The following LSAMP variants were observed in gnomAD, a reference collection of about 807,000 sequenced individuals.
The protein encoded by LSAMP is limbic system associated membrane protein.
LSAMP carries 7 observed loss-of-function variants against 38.6 expected under a neutral mutation model. The ratio of observed to expected loss-of-function variants is 0.18; its 90% CI spans 0.10 to 0.34. The LOEUF (loss-of-function observed/expected upper bound fraction) is 0.34. Ranked by LOEUF, LSAMP falls within the 10% of genes least tolerant of loss-of-function variation. The pLI is 1.00. For synonymous variants in LSAMP, 154 were observed against 166.8 expected (o/e 0.92, Z 0.59); for missense variants, 313 against 420.0 (o/e 0.75, Z 2.23).
At chr3:115,867,781 G>A (rs1935903571) in intron 3 of LSAMP, among the ~76,000 whole-genome samples, 1 of 152,130 alleles carries the variant, frequency 6.6e-6, no homozygotes, top group Non-Finnish European at 1.5e-5. Flanking sequence ...GGTTGGTTGA[G>A]TCTAAAGTCT....
At chr3:115,955,224 G>C (rs184638452) in intron 3 of LSAMP, among the ~76,000 whole-genome samples, 2 of 152,074 alleles carry the variant, frequency 1.3e-5, no homozygotes, top group African/African-American at 4.8e-5. Context: ...GTGAGCCACC[G>C]CGCCTGGCCA....
At chr3:116,017,194 A>G (rs1368576219) in intron 3 of LSAMP, among the ~76,000 whole-genome samples, 1 of 152,146 alleles carries the variant, frequency 6.6e-6, no homozygotes, top group African/African-American at 2.4e-5. Context: ...CCACATCAGA[A>G]GTTTTATAAA....
rs1938530989 is a variant in LSAMP, at chr3:115,958,672, T to C, written c.514+60843A>G. On this transcript the variant is annotated intron_variant, in intron 3 of 6. Coordinates refer to ENST00000490035, the MANE Select transcript of LSAMP (RefSeq NM_002338.5). ...CCCCACTGCCTCTGACTCAGTGTAT[T>C]AATATAGACTGAAACACAGATTGCT... 1.3e-5 allele frequency among the ~76,000 whole-genome samples: 2 copies of C among 152,146 alleles called. 1 individual carries two copies. The highest frequency in any genetic ancestry group is 4.1e-4 in the South Asian group (2 of 4,824).
intron 1 of LSAMP, among the ~76,000 whole-genome samples, chr3:116,336,475 AG>A: frequency 6.6e-6 from 1 of 152,136 alleles, no homozygotes; most frequent in East Asian, 1.9e-4. Flanking sequence ...TCTCCAAAGC[AG>A]TGGCTAATAA....
chr3:116,107,936 G>T (rs1295271995), intron 1 of LSAMP, among the ~76,000 whole-genome samples: 1 of 152,176 alleles, frequency 6.6e-6, no homozygotes, highest in South Asian at 2.1e-4. Flanking sequence ...TGTATGGCTT[G>T]TCTGGTTTTA....
chr3:116,147,572 G>T (rs545051574), intron 1 of LSAMP, among the ~76,000 whole-genome samples: 8 of 151,852 alleles, frequency 5.3e-5, no homozygotes, highest in South Asian at 2.1e-4. Context: ...TAGCAATTTT[G>T]TCTATAATAT....
chr3:116,064,258 G>A (rs946830740), intron 2 of LSAMP, among the ~76,000 whole-genome samples: 3 of 152,064 alleles, frequency 2.0e-5, no homozygotes, highest in African/African-American at 2.4e-5. Context: ...AGGCATGGTG[G>A]CTCACGCCTG....
chr3:116,031,892 A>G (rs1940933901), intron 2 of LSAMP, among the ~76,000 whole-genome samples: 2 of 152,060 alleles, frequency 1.3e-5, no homozygotes, highest in African/African-American at 4.8e-5. Flanking sequence ...GAATTAATTA[A>G]TACATTCACG....
intron 1 of LSAMP, among the ~76,000 whole-genome samples, chr3:116,382,892 TAAACACAC>T (rs956479181): frequency 3.9e-5 from 6 of 152,074 alleles, no homozygotes; most frequent in Non-Finnish European, 7.4e-5. Context: ...ATATCTTCTG[TAAACACAC>T]ACAGAAGAAC....
At chr3:116,291,204 C>T (rs1344590744) in intron 1 of LSAMP, among the ~76,000 whole-genome samples, 1 of 152,054 alleles carries the variant, frequency 6.6e-6, no homozygotes, top group Non-Finnish European at 1.5e-5. Flanking sequence ...AATTAGAGTT[C>T]ACATATATGG....
intron 3 of LSAMP, among the ~76,000 whole-genome samples, chr3:115,936,000 C>T (rs2107549237): frequency 6.6e-6 from 1 of 152,290 alleles, no homozygotes; most frequent in Middle Eastern, 3.4e-3. Flanking sequence ...TGGATTTGAA[C>T]TTGGGTCTCA....
intron 1 of LSAMP, among the ~76,000 whole-genome samples, chr3:116,141,068 G>T (rs1709358620): frequency 6.6e-6 from 1 of 151,930 alleles, no homozygotes; most frequent in Non-Finnish European, 1.5e-5. Context: ...ATTGCCCACT[G>T]TGTTAGAATT....
At chr3:116,175,536 C>T in intron 1 of LSAMP, among the ~76,000 whole-genome samples, 1 of 151,900 alleles carries the variant, frequency 6.6e-6, no homozygotes, top group Middle Eastern at 3.2e-3. Flanking sequence ...CAGAGCAGTG[C>T]TGGGAAGCCA....
intron 1 of LSAMP, among the ~76,000 whole-genome samples, chr3:116,327,933 T>C (rs531919031): frequency 5.5e-4 from 83 of 152,280 alleles, no homozygotes; most frequent in South Asian, 1.9e-3. Flanking sequence ...GGACTCCTGA[T>C]GGATGATTGT....
chr3:116,174,502 CCAGAGGCATTTTT>C (rs1389388381), intron 1 of LSAMP, among the ~76,000 whole-genome samples: 1 of 151,860 alleles, frequency 6.6e-6, no homozygotes, highest in Non-Finnish European at 1.5e-5. Context: ...TACTCATGGA[CCAGAGGCATTTTT>C]CAGTAAAGAA....
At chr3:116,356,670 A>T (rs1391726318) in intron 1 of LSAMP, among the ~76,000 whole-genome samples, 1 of 152,246 alleles carries the variant, frequency 6.6e-6, no homozygotes, top group African/African-American at 2.4e-5. Context: ...TAGTAACATC[A>T]TATGCCTGTA....
chr3:116,045,278 C>A (rs1941265621), intron 2 of LSAMP, among the ~76,000 whole-genome samples: 1 of 152,132 alleles, frequency 6.6e-6, no homozygotes, highest in African/African-American at 2.4e-5. Context: ...CTTTACCAAT[C>A]ATTTATTAAT....
chr3:116,192,345 A>T (rs61526775), intron 1 of LSAMP, among the ~76,000 whole-genome samples: 3,197 of 152,298 alleles, frequency 0.021, 110 homozygotes, highest in African/African-American at 0.071. Context: ...AATGCCAGAC[A>T]CCAGTTCTAA....
intron 1 of LSAMP, among the ~76,000 whole-genome samples, chr3:116,305,976 C>T (rs17702489): frequency 0.054 from 7,908 of 145,360 alleles, 284 homozygotes; most frequent in Non-Finnish European, 0.08. Flanking sequence ...TCTTCAGTTG[C>T]TTTTTTGAAT....
Sources: gnomAD v4.1 joint callset for allele counts (sites outside exome capture counted in the v4.1 genomes callset) on GRCh38, gnomAD v4.1.1 for gene constraint, MANE v1.5 for transcripts, NCBI Gene and HGNC (gene_info 2026-07-23, HGNC 2026-07-21) for gene names.